MTF1: variants seen among roughly 807,000 people sequenced by gnomAD.
The protein encoded by MTF1 is MRE-binding transcription factor.
Under a neutral mutation model 70.4 loss-of-function variants are expected in MTF1, and 22 were observed. That is an observed-to-expected ratio of 0.31 (90% CI 0.22 to 0.45). MTF1 has a LOEUF of 0.45. Ranked by LOEUF, MTF1 falls within the 20% of genes least tolerant of loss-of-function variation. The pLI, the probability that MTF1 is intolerant of heterozygous loss-of-function variation, is 1.00. For synonymous variants in MTF1, 333 were observed against 352.8 expected (o/e 0.94, Z 0.63); for missense variants, 649 against 922.0 (o/e 0.70, Z 3.83).
At position 37,822,505 on chromosome 1, in the gene MTF1, G is replaced by T; in HGVS notation, c.1383C>A (p.Pro461=). 3.1e-6 allele frequency: 5 copies of T among 1,614,122 alleles called. No individual in the cohort carries two copies. The highest frequency in any genetic ancestry group is 4.2e-6 in the Non-Finnish European group (5 of 1,180,030). The stretch of plus-strand genomic sequence containing the variant: ...CTTCTGGAGGTTGTAAGAGAGCAGG[G>T]GGGTTGCCAAATGCAGCTTGCTGGG... ...PGSQQAAFGN[P]PALLQPPEVP... Residue 461 remains proline, a synonymous_variant, in exon 9 of 11, where the codon CCC becomes CCA. Transcript: ENST00000373036.
At position 37,815,904 on chromosome 1, in the gene MTF1, G is replaced by A. The variant is rs1372577705; in HGVS notation, c.1832-338C>T. Among the ~76,000 whole-genome samples, 2 of 152,188 alleles carry A rather than the reference G, an allele frequency of 1.3e-5. No homozygotes were observed. The highest frequency in any genetic ancestry group is 2.9e-5 in the Non-Finnish European group (2 of 68,046). On this transcript the variant is annotated intron_variant, in intron 10 of 10. Coordinates refer to ENST00000373036, the MANE Select transcript of MTF1 (RefSeq NM_005955.3). The surrounding 1 kb of genome is among the most constrained non-coding windows in gnomAD (Gnocchi z 4.5). ...ACACGTTCTTTATACCCCTGGGCCT[G>A]TGGGCTCTTCCTTACGACTAAAATC...
At chr1:37,817,052 C>T (rs565680536) in intron 10 of MTF1, among the ~76,000 whole-genome samples, 128 of 152,300 alleles carry the variant, frequency 8.4e-4, no homozygotes, top group Non-Finnish European at 1.4e-3. Flanking sequence ...CTATATGTGT[C>T]TCTGACCCAG....
rs781487215 is a variant in MTF1 at position 37,815,798 on chromosome 1, G to C, written c.1832-232C>G. Among the ~76,000 whole-genome samples the C allele has an allele frequency of 2.0e-4, 30 of 152,116 alleles. No homozygotes were observed. Among genetic ancestry groups the C allele is most frequent in the Non-Finnish European group, 3.8e-4 (26 of 68,018 alleles). ...CGTTTCCTTAGAAAGTCACACACAC[G>C]ATCTAGATGCACCCTGTATTTCCAG... On this transcript the variant is annotated intron_variant, in intron 10 of 10. Coordinates refer to ENST00000373036, the MANE Select transcript of MTF1 (RefSeq NM_005955.3). The surrounding 1 kb of genome is among the most constrained non-coding windows in gnomAD (Gnocchi z 4.5).
chr1:37,850,905 C>A (rs1641408834), intron 2 of MTF1, among the ~76,000 whole-genome samples: 1 of 151,898 alleles, frequency 6.6e-6, no homozygotes, highest in African/African-American at 2.4e-5. Flanking sequence ...GATTTGATTT[C>A]TCAAGAGTAA....
chr1:37,858,031 A>T (rs1329563630), intron 1 of MTF1, among the ~76,000 whole-genome samples: 1 of 150,996 alleles, frequency 6.6e-6, no homozygotes, highest in Non-Finnish European at 1.5e-5. Context: ...AAAAAAAAAA[A>T]GAAAAAGAAA....
At chr1:37,849,579 A>G (rs529976933) in intron 2 of MTF1, among the ~76,000 whole-genome samples, 1 of 152,306 alleles carries the variant, frequency 6.6e-6, no homozygotes, top group Non-Finnish European at 1.5e-5. Context: ...CAACTACTCT[A>G]TAGAAAACTG....
chr1:37,828,173 TAA>T (rs554470681), intron 7 of MTF1: 140 of 316,236 alleles, frequency 4.4e-4, no homozygotes, highest in Admixed American at 9.9e-4. Flanking sequence ...ATAAAAGCAT[TAA>T]AAAAAAAAAA....
intron 6 of MTF1, chr1:37,834,587 T>C: frequency 2.2e-6 from 1 of 455,544 alleles, no homozygotes; most frequent in Non-Finnish European, 4.4e-6. Context: ...GACAGTCTAT[T>C]GTGGAGTGGA....
intron 8 of MTF1, among the ~76,000 whole-genome samples, chr1:37,822,924 G>A (rs1640940887): frequency 6.6e-6 from 1 of 152,156 alleles, no homozygotes; most frequent in African/African-American, 2.4e-5. Flanking sequence ...TCCTAAATGT[G>A]AAGACCCAAT....
intron 2 of MTF1, among the ~76,000 whole-genome samples, chr1:37,848,216 G>GA (rs1641362361): frequency 6.6e-6 from 1 of 152,114 alleles, no homozygotes; most frequent in Non-Finnish European, 1.5e-5. Flanking sequence ...GGTCTATGAG[G>GA]AAAAGAAAGC....
intron 7 of MTF1, among the ~76,000 whole-genome samples, chr1:37,827,960 C>A (rs193089790): frequency 5.4e-4 from 82 of 152,204 alleles, no homozygotes; most frequent in African/African-American, 1.9e-3. Context: ...TGGCTCCAAA[C>A]TGGAAACTAT....
chr1:37,850,487 A>G (rs530289762), intron 2 of MTF1, among the ~76,000 whole-genome samples: 1 of 151,400 alleles, frequency 6.6e-6, no homozygotes, highest in East Asian at 1.9e-4. Flanking sequence ...GGAAAGAAGA[A>G]AGACAGAAAG....
intron 4 of MTF1, among the ~76,000 whole-genome samples, chr1:37,837,176 T>A (rs932770291): frequency 3.9e-5 from 6 of 152,086 alleles, no homozygotes; most frequent in African/African-American, 1.4e-4. Context: ...TCTTCCCACC[T>A]CAGCCTCCTA....
chr1:37,820,034 C>G (rs1305416636), intron 9 of MTF1, among the ~76,000 whole-genome samples: 2 of 146,506 alleles, frequency 1.4e-5, no homozygotes, highest in Admixed American at 6.9e-5. Context: ...TGACTTGTTT[C>G]ACTCAGCACC....
intron 7 of MTF1, chr1:37,826,484 C>CTACGTT: frequency 2.3e-6 from 1 of 427,038 alleles, no homozygotes; most frequent in Non-Finnish European, 4.6e-6. Context: ...TAAGGTCCTG[C>CTACGTT]TACGTTGCCT....
At chr1:37,846,354 A>G (rs1641331777) in intron 2 of MTF1, among the ~76,000 whole-genome samples, 1 of 151,772 alleles carries the variant, frequency 6.6e-6, no homozygotes, top group African/African-American at 2.4e-5. Context: ...CTGAATTTAA[A>G]GACATGAGCA....
At chr1:37,828,772 T>C (rs1012789392) in intron 7 of MTF1, among the ~76,000 whole-genome samples, 6 of 152,190 alleles carry the variant, frequency 3.9e-5, no homozygotes, top group Admixed American at 6.5e-5. Flanking sequence ...CCTGCCAAGC[T>C]TCAGGGCAAA....
intron 7 of MTF1, chr1:37,826,624 CTTTTT>C: frequency 2.6e-6 from 1 of 387,676 alleles, no homozygotes; most frequent in Non-Finnish European, 5.0e-6. Context: ...TCAGTGATTC[CTTTTT>C]TTTTTTTTCT....
rs1557582359 is a variant in MTF1, at chr1:37,811,883, G to C, written c.*3253C>G. 6.5e-6 allele frequency: 1 copy of C among 152,702 alleles called. No homozygotes were observed. Among genetic ancestry groups the C allele is most frequent in the Non-Finnish European group, 1.5e-5 (1 of 68,060 alleles). The allele number at this position is 152,702 out of a possible 1,614,324, so 9.5% of individuals were successfully genotyped here. On this transcript the variant is annotated 3_prime_UTR_variant, in exon 11 of 11. Transcript: ENST00000373036. ...GTCACCAAACTGGTGGTGCCCCCAT[G>C]AGACTGGCCAGACCCTGCCAGCAAA...
Sources: gnomAD v4.1 joint callset for allele counts (sites outside exome capture counted in the v4.1 genomes callset) on GRCh38, gnomAD v4.1.1 for gene constraint, Gnocchi (gnomAD v3.1) non-coding constraint, MANE v1.5 for transcripts, NCBI Gene and HGNC (gene_info 2026-07-23, HGNC 2026-07-21) for gene names.